Variants in RNF150 observed in about 807,000 individuals in gnomAD.
The protein encoded by RNF150 is ring finger protein 150.
RNF150 carries 24 observed loss-of-function variants against 39.3 expected under a neutral mutation model. That is an observed-to-expected ratio of 0.61 (90% CI 0.44 to 0.86). The LOEUF (loss-of-function observed/expected upper bound fraction) is 0.86, where lower values mean the gene tolerates loss of function less well. RNF150 is among the 40% of genes least tolerant of loss of function. RNF150 has a pLI of 0.00. For synonymous variants in RNF150, 255 were observed against 227.3 expected, an observed-to-expected ratio of 1.12 and a Z score of -1.10; for missense variants, 502 against 587.8, an observed-to-expected ratio of 0.85 and a Z score of 1.51.
intron 1 of RNF150, among the ~76,000 whole-genome samples, chr4:141,005,721 G>T (rs547364659): frequency 6.6e-6 from 1 of 152,292 alleles, no homozygotes; most frequent in East Asian, 1.9e-4. Context: ...TTTGTAATTT[G>T]AGTATATCAT....
At chr4:141,114,387 A>T (rs188455526) in intron 1 of RNF150, among the ~76,000 whole-genome samples, 1 of 152,232 alleles carries the variant, frequency 6.6e-6, no homozygotes, top group Admixed American at 6.5e-5. Flanking sequence ...CTATGCAAAT[A>T]AACTAGAAAA....
chr4:141,065,076 G>A (rs1054927188), intron 1 of RNF150, among the ~76,000 whole-genome samples: 1 of 152,144 alleles, frequency 6.6e-6, no homozygotes, highest in Non-Finnish European at 1.5e-5. Flanking sequence ...TGTTGGTCAG[G>A]CTGATCTTGA....
At chr4:141,118,254 G>T (rs1407841939) in intron 1 of RNF150, among the ~76,000 whole-genome samples, 2 of 152,174 alleles carry the variant, frequency 1.3e-5, no homozygotes, top group Admixed American at 1.3e-4. Context: ...GAGAAGGTTA[G>T]GTCATACCCA....
In RNF150 at chr4:141,114,545, C is replaced by T. The variant is rs141247778; in HGVS notation, c.484+17780G>A. The stretch of plus-strand genomic sequence containing the variant: ...CAACCAAAAAAATCCCAGGACCAGA[C>T]GGATTCACAGCCAAATTCACAGCCG... On this transcript the variant is annotated intron_variant, in intron 1 of 6. Coordinates refer to ENST00000515673, the MANE Select transcript of RNF150 (RefSeq NM_020724.2). Among the ~76,000 whole-genome samples, 714 of 152,208 alleles carry T rather than the reference C, an allele frequency of 4.7e-3. 3 individuals carry two copies. The highest frequency in any genetic ancestry group is 5.4e-3 in the Non-Finnish European group (365 of 68,004).
At chr4:141,036,756 T>C (rs941720352) in intron 1 of RNF150, among the ~76,000 whole-genome samples, 9 of 152,166 alleles carry the variant, frequency 5.9e-5, no homozygotes, top group African/African-American at 2.2e-4. Flanking sequence ...ATGTAAAAAT[T>C]GTTGATATAT....
chr4:140,911,131 T>C lies in RNF150; in HGVS notation c.1198+13A>G, dbSNP rs772787669. On this transcript the variant is annotated intron_variant, in intron 6 of 6. Transcript: ENST00000515673. ...CCTTCTGGCTATGTCACTTTAAGTA[T>C]GGCAGAACTCACTGTTAGTAGTAAA... The C allele has an allele frequency of 2.5e-6, 4 of 1,605,074 alleles. No homozygotes were observed. Among genetic ancestry groups the C allele is most frequent in the Non-Finnish European group, 1.7e-6 (2 of 1,171,844 alleles).
At chr4:141,056,173 T>C (rs1327596244) in intron 1 of RNF150, among the ~76,000 whole-genome samples, 2 of 152,324 alleles carry the variant, frequency 1.3e-5, no homozygotes, top group Admixed American at 6.5e-5. Context: ...ATCATTCTAT[T>C]AACCAAATTT....
At chr4:141,195,131 T>A (rs1728181138) in intron 1 of RNF150, among the ~76,000 whole-genome samples, 1 of 134,428 alleles carries the variant, frequency 7.4e-6, no homozygotes, top group Non-Finnish European at 1.6e-5. Flanking sequence ...CACACACCTG[T>A]GCACAAGCAT....
intron 1 of RNF150, among the ~76,000 whole-genome samples, chr4:141,054,246 T>C (rs940711651): frequency 3.3e-5 from 5 of 152,194 alleles, no homozygotes; most frequent in Non-Finnish European, 5.9e-5. Context: ...GCATAATAGT[T>C]CATCAAGTTG....
chr4:140,948,803 G>A (rs1732426620), intron 3 of RNF150, among the ~76,000 whole-genome samples: 3 of 152,146 alleles, frequency 2.0e-5, no homozygotes, highest in African/African-American at 7.2e-5. Context: ...TTATACTGTA[G>A]ACAAGTGGAG....
At chr4:140,889,430 T>A (rs1467241960) in intron 6 of RNF150, among the ~76,000 whole-genome samples, 1 of 152,206 alleles carries the variant, frequency 6.6e-6, no homozygotes, top group East Asian at 1.9e-4. Flanking sequence ...TTCCCACTTA[T>A]AAAACCAAGT....
intron 6 of RNF150, among the ~76,000 whole-genome samples, chr4:140,896,860 G>T (rs1245122762): frequency 4.6e-5 from 7 of 152,010 alleles, no homozygotes; most frequent in Non-Finnish European, 7.4e-5. Flanking sequence ...TCAGGTCGGG[G>T]ATGTTTCATG....
intron 1 of RNF150, among the ~76,000 whole-genome samples, chr4:141,098,236 A>C (rs1328289675): frequency 6.6e-6 from 1 of 152,246 alleles, no homozygotes; most frequent in Non-Finnish European, 1.5e-5. Flanking sequence ...TGTGATAAGC[A>C]GAAGCAACCC....
chr4:141,209,690 C>T (rs2111228825), intron 1 of RNF150, among the ~76,000 whole-genome samples: 1 of 152,118 alleles, frequency 6.6e-6, no homozygotes, highest in Middle Eastern at 3.4e-3. Flanking sequence ...ATCATGGATT[C>T]ATAGTTAAAA....
chr4:141,155,718 C>A (rs1727381601), intron 1 of RNF150, among the ~76,000 whole-genome samples: 1 of 152,096 alleles, frequency 6.6e-6, no homozygotes, highest in African/African-American at 2.4e-5. Flanking sequence ...ATGGAGGACA[C>A]AAAGACATGC....
At chr4:141,093,378 A>AG (rs11318985) in intron 1 of RNF150, among the ~76,000 whole-genome samples, 17 of 143,402 alleles carry the variant, frequency 1.2e-4, no homozygotes, top group Non-Finnish European at 1.5e-4. Flanking sequence ...AAAAAAAAAA[A>AG]GGGGGGGGAA....
chr4:141,182,391 T>C (rs1243846416), intron 1 of RNF150, among the ~76,000 whole-genome samples: 6 of 19,556 alleles, frequency 3.1e-4, no homozygotes, highest in African/African-American at 1.4e-3. Flanking sequence ...AGTCAAATTG[T>C]CCCTGTTTGC....
intron 1 of RNF150, among the ~76,000 whole-genome samples, chr4:141,098,999 T>C (rs1451798265): frequency 6.6e-6 from 1 of 152,176 alleles, no homozygotes; most frequent in Non-Finnish European, 1.5e-5. Context: ...CAAACTCAAA[T>C]AGGAGGTTCT....
intron 6 of RNF150, among the ~76,000 whole-genome samples, chr4:140,899,970 CTCTCTGTGTGTGTGTG>C (rs1487059650): frequency 4.0e-4 from 54 of 135,392 alleles, no homozygotes; most frequent in Admixed American, 1.2e-3. Flanking sequence ...CTCTCTCTCT[CTCTCTGTGTGTGTGTG>C]TGTGTGTGTG....
Sources: allele counts gnomAD v4.1 joint callset (sites outside exome capture counted in the v4.1 genomes callset), GRCh38; gene constraint gnomAD v4.1.1; transcripts MANE v1.5; gene names NCBI Gene and HGNC (gene_info 2026-07-23, HGNC 2026-07-21).